Variants in CDKAL1 observed in about 807,000 individuals in gnomAD.
CDKAL1 encodes the protein CDKAL1 threonylcarbamoyladenosine tRNA methylthiotransferase.
CDKAL1 carries 32 observed loss-of-function variants against 68.2 expected under a neutral mutation model. The ratio of observed to expected loss-of-function variants is 0.47; its 90% CI spans 0.35 to 0.63. The LOEUF is 0.63. Among genes scored for constraint, CDKAL1 ranks in the 30% least tolerant of loss-of-function variants. The pLI is 0.00. For synonymous variants in CDKAL1, 234 were observed against 244.3 expected, an observed-to-expected ratio of 0.96 and a Z score of 0.39; for missense variants, 606 against 696.7, an observed-to-expected ratio of 0.87 and a Z score of 1.47.
At chr6:21,183,110 T>G (rs1777854794) in intron 13 of CDKAL1, among the ~76,000 whole-genome samples, 1 of 152,012 alleles carries the variant, frequency 6.6e-6, no homozygotes, top group African/African-American at 2.4e-5. Flanking sequence ...AGGATCATGT[T>G]TTAGAAATGA....
chr6:20,860,072 A>T (rs963095956), intron 9 of CDKAL1, among the ~76,000 whole-genome samples: 1 of 151,956 alleles, frequency 6.6e-6, no homozygotes, highest in Non-Finnish European at 1.5e-5. Context: ...AGCATTTATC[A>T]TAATTCTTTT....
chr6:20,880,977 A>T (rs1760783429), intron 9 of CDKAL1, among the ~76,000 whole-genome samples: 1 of 152,176 alleles, frequency 6.6e-6, no homozygotes, highest in Non-Finnish European at 1.5e-5. Context: ...TTCCTTTCCC[A>T]CAAACCCACC....
intron 11 of CDKAL1, among the ~76,000 whole-genome samples, chr6:21,040,201 G>A (rs760375114): frequency 7.2e-5 from 11 of 152,088 alleles, no homozygotes; most frequent in South Asian, 2.1e-4. Context: ...ACTTGGTGCC[G>A]ATTCTCATAA....
chr6:21,123,825 C>T (rs1774849646), intron 13 of CDKAL1, among the ~76,000 whole-genome samples: 1 of 152,210 alleles, frequency 6.6e-6, no homozygotes, highest in African/African-American at 2.4e-5. Context: ...TGAGGCAAAC[C>T]TATTATCTCC....
chr6:20,681,381 A>G (rs1479104124), intron 5 of CDKAL1, among the ~76,000 whole-genome samples: 4 of 152,152 alleles, frequency 2.6e-5, no homozygotes, highest in African/African-American at 9.7e-5. Context: ...AGTTTCAACC[A>G]CTGTTTGCCT....
chr6:20,787,268 C>G (rs1051700355), intron 8 of CDKAL1, among the ~76,000 whole-genome samples: 1 of 151,846 alleles, frequency 6.6e-6, no homozygotes, highest in Non-Finnish European at 1.5e-5. Flanking sequence ...TTTTAAAAAG[C>G]ATTTTTTTCC....
intron 5 of CDKAL1, among the ~76,000 whole-genome samples, chr6:20,665,327 A>G (rs1427352067): frequency 7.0e-6 from 1 of 142,014 alleles, no homozygotes; most frequent in Non-Finnish European, 1.5e-5. Flanking sequence ...TGATTAATAT[A>G]AGGAAAAAAA....
intron 12 of CDKAL1, among the ~76,000 whole-genome samples, chr6:21,104,999 A>G (rs1294088541): frequency 6.6e-6 from 1 of 152,106 alleles, no homozygotes; most frequent in East Asian, 1.9e-4. Flanking sequence ...TATGCTACCT[A>G]TTTTATTTTA....
chr6:21,146,114 G>A (rs1254807432), intron 13 of CDKAL1, among the ~76,000 whole-genome samples: 1 of 152,024 alleles, frequency 6.6e-6, no homozygotes, highest in African/African-American at 2.4e-5. Flanking sequence ...CTCCTTAATG[G>A]GTCTGGACTG....
At chr6:20,843,118 C>T (rs1371554375) in intron 8 of CDKAL1, among the ~76,000 whole-genome samples, 1 of 152,070 alleles carries the variant, frequency 6.6e-6, no homozygotes, top group Non-Finnish European at 1.5e-5. Context: ...GTCAGCAACA[C>T]ATCTGTCCAT....
intron 4 of CDKAL1, among the ~76,000 whole-genome samples, chr6:20,600,789 C>CATATATATATAT (rs58795499): frequency 7.7e-6 from 1 of 130,480 alleles, no homozygotes; most frequent in African/African-American, 2.9e-5. Flanking sequence ...TATATATATA[C>CATATATATATAT]ACACACACAC....
chr6:20,647,933 G>A (rs938090883), intron 4 of CDKAL1, among the ~76,000 whole-genome samples: 1 of 150,562 alleles, frequency 6.6e-6, no homozygotes, highest in African/African-American at 2.4e-5. Flanking sequence ...TTTTTAGCTG[G>A]GCATGGTGGT....
intron 7 of CDKAL1, among the ~76,000 whole-genome samples, chr6:20,772,459 C>A (rs569830232): frequency 6.6e-6 from 1 of 152,310 alleles, no homozygotes; most frequent in South Asian, 2.1e-4. Flanking sequence ...TCATAAAAGA[C>A]ATATCTGCTT....
chr6:20,688,393 T>A (rs188637397), intron 5 of CDKAL1, among the ~76,000 whole-genome samples: 7 of 152,280 alleles, frequency 4.6e-5, no homozygotes, highest in Admixed American at 3.3e-4. Flanking sequence ...ATCATCTCAT[T>A]GTTCTTGAAT....
intron 6 of CDKAL1, among the ~76,000 whole-genome samples, chr6:20,758,149 G>A (rs1458093064): frequency 6.6e-6 from 1 of 152,026 alleles, no homozygotes; most frequent in Non-Finnish European, 1.5e-5. Context: ...TCATCAAAAG[G>A]GTTTTGAGTA....
At chr6:20,875,338 C>G (rs989086379) in intron 9 of CDKAL1, among the ~76,000 whole-genome samples, 1 of 148,292 alleles carries the variant, frequency 6.7e-6, no homozygotes, top group Non-Finnish European at 1.5e-5. Context: ...AAAAGTCTAG[C>G]CCTTTTGATA....
chr6:20,623,838 T>C (rs1452007989), intron 4 of CDKAL1, among the ~76,000 whole-genome samples: 2 of 152,080 alleles, frequency 1.3e-5, no homozygotes, highest in African/African-American at 4.8e-5. Context: ...TTTGTAATGT[T>C]TGGCCTTGGC....
At chr6:20,683,100 C>A (rs1305111231) in intron 5 of CDKAL1, among the ~76,000 whole-genome samples, 1 of 152,046 alleles carries the variant, frequency 6.6e-6, no homozygotes, top group Non-Finnish European at 1.5e-5. Context: ...GTAGCTGGAA[C>A]TACAGGTGCA....
At chr6:20,799,040 G>GGTTTTTTTTTTTTT (rs772767946) in intron 8 of CDKAL1, among the ~76,000 whole-genome samples, 1 of 47,482 alleles carries the variant, frequency 2.1e-5, no homozygotes, top group African/African-American at 8.5e-5. Context: ...AAAGAACTGA[G>GGTTTTTTTTTTTTT]TTTTTTTTTT....
Sources: gnomAD v4.1 joint callset for allele counts (sites outside exome capture counted in the v4.1 genomes callset) on GRCh38, gnomAD v4.1.1 for gene constraint, MANE v1.5 for transcripts, NCBI Gene and HGNC (gene_info 2026-07-23, HGNC 2026-07-21) for gene names.